Variants in PPM1H observed in about 807,000 individuals in gnomAD.
The protein encoded by PPM1H is protein phosphatase 1H.
A neutral mutation model predicts 54.9 loss-of-function variants in PPM1H; 27 were observed. That is an observed-to-expected ratio of 0.49 (90% confidence interval 0.36 to 0.68). The LOEUF (loss-of-function observed/expected upper bound fraction) is 0.68. Among genes scored for constraint, PPM1H ranks in the 30% least tolerant of loss-of-function variants. The pLI is 0.00. For missense variants in PPM1H, 596 were observed against 667.8 expected (o/e 0.89, Z 1.19); for synonymous variants, 305 against 270.8 (o/e 1.13, Z -1.24).
At chr12:62,817,151 C>CAAA (rs1565797674) in intron 2 of PPM1H, among the ~76,000 whole-genome samples, 9 of 58,924 alleles carry the variant, frequency 1.5e-4, no homozygotes, top group Non-Finnish European at 2.4e-4. Flanking sequence ...AAAAAAAAAA[C>CAAA]TAAAAAAAAG....
chr12:62,884,151 C>G, intron 1 of PPM1H, among the ~76,000 whole-genome samples: 1 of 151,202 alleles, frequency 6.6e-6, no homozygotes, highest in South Asian at 2.1e-4. Flanking sequence ...GATGAAATCT[C>G]TTACAGATAC....
At chr12:62,898,924 G>A (rs909186872) in intron 1 of PPM1H, among the ~76,000 whole-genome samples, 15 of 152,066 alleles carry the variant, frequency 9.9e-5, no homozygotes, top group South Asian at 2.1e-4. Flanking sequence ...CCGTCCACTG[G>A]GTTCAGACAC....
rs149898366 is a variant in PPM1H at position 62,892,066 on chromosome 12, A to G, written c.245+42426T>C. Among the ~76,000 whole-genome samples the G allele has an allele frequency of 4.8e-3, 734 of 152,358 alleles. 7 individuals carry two copies. The highest frequency in any genetic ancestry group is 0.02 in the Middle Eastern group (6 of 294). On this transcript the variant is annotated intron_variant, in intron 1 of 9. Transcript: ENST00000228705. ...GCAAAGTATCACAGAAACTTTTCAC[A>G]GCCTCTGCTCATGCCTTTGATCTCT...
chr12:62,683,076 T>TTAC (rs2076031726), intron 8 of PPM1H, among the ~76,000 whole-genome samples: 1 of 142,686 alleles, frequency 7.0e-6, no homozygotes, highest in Non-Finnish European at 1.5e-5. Context: ...ATTATTATTA[T>TTAC]TATTATTATT....
intron 5 of PPM1H, among the ~76,000 whole-genome samples, chr12:62,731,535 A>T (rs988535293): frequency 4.6e-5 from 7 of 152,198 alleles, no homozygotes; most frequent in Admixed American, 6.5e-5. Flanking sequence ...GCCAAGCAGC[A>T]CCAGGGAAAC....
At chr12:62,763,617 G>C (rs1436254874) in intron 4 of PPM1H, among the ~76,000 whole-genome samples, 1 of 152,208 alleles carries the variant, frequency 6.6e-6, no homozygotes, top group Non-Finnish European at 1.5e-5. Context: ...GTCAAATACA[G>C]AAAGTTGAAA....
At chr12:62,797,316 A>G (rs2076740244) in intron 3 of PPM1H, among the ~76,000 whole-genome samples, 1 of 152,192 alleles carries the variant, frequency 6.6e-6, no homozygotes, top group African/African-American at 2.4e-5. Flanking sequence ...GGCTTGGGGA[A>G]CTTTACTTTT....
intron 1 of PPM1H, among the ~76,000 whole-genome samples, chr12:62,842,269 A>T (rs986886076): frequency 6.6e-6 from 1 of 152,206 alleles, no homozygotes; most frequent in South Asian, 2.1e-4. Context: ...TTTTCTAAAG[A>T]TCAGATTTTG....
chr12:62,860,312 A>T (rs190998862), intron 1 of PPM1H, among the ~76,000 whole-genome samples: 1 of 152,118 alleles, frequency 6.6e-6, no homozygotes, highest in Non-Finnish European at 1.5e-5. Flanking sequence ...CTCATGACAC[A>T]TGGGGATTAT....
chr12:62,734,962 T>C (rs1272377646), intron 5 of PPM1H, among the ~76,000 whole-genome samples: 1 of 152,142 alleles, frequency 6.6e-6, no homozygotes, highest in Non-Finnish European at 1.5e-5. Flanking sequence ...GAGGATTTGT[T>C]GGGCCTAGGA....
rs1046272490 is a variant in PPM1H at position 62,933,333 on chromosome 12, G to T, written c.245+1159C>A. ...AGTCTCTCCCACCGGAACCCTTAGGGTCGGGAACCAAGCCTGCCCCGGGGT... is the reference window on the plus strand; with the variant it reads ...AGTCTCTCCCACCGGAACCCTTAGGTTCGGGAACCAAGCCTGCCCCGGGGT... On this transcript the variant is annotated intron_variant, in intron 1 of 9. Transcript: ENST00000228705. Among the ~76,000 whole-genome samples the T allele has an allele frequency of 3.9e-5, 6 of 152,236 alleles. 1 individual carries two copies. In the South Asian group the frequency reaches 8.3e-4, roughly 21 times the overall value.
chr12:62,847,129 T>C (rs4763040), intron 1 of PPM1H, among the ~76,000 whole-genome samples: 3 of 150,384 alleles, frequency 2.0e-5, no homozygotes, highest in Non-Finnish European at 4.4e-5. Context: ...CTGTGAAAAA[T>C]GAAAGAAAGA....
intron 4 of PPM1H, among the ~76,000 whole-genome samples, chr12:62,769,769 A>C (rs768304567): frequency 6.6e-6 from 1 of 152,078 alleles, no homozygotes; most frequent in Non-Finnish European, 1.5e-5. Context: ...AGAAAAAAAC[A>C]TGGAATCACA....
chr12:62,744,115 G>A (rs914197580), intron 4 of PPM1H, among the ~76,000 whole-genome samples: 3 of 149,732 alleles, frequency 2.0e-5, no homozygotes. Context: ...TCTGTCAAAA[G>A]GGGAACTGTT....
intron 8 of PPM1H, among the ~76,000 whole-genome samples, chr12:62,678,777 A>G (rs1046475784): frequency 2.0e-5 from 3 of 151,516 alleles, no homozygotes; most frequent in Admixed American, 2.0e-4. Context: ...TGCAGCCTCT[A>G]TCTCCTGGGT....
chr12:62,911,379 G>A (rs1022883587), intron 1 of PPM1H, among the ~76,000 whole-genome samples: 1 of 152,124 alleles, frequency 6.6e-6, no homozygotes, highest in Non-Finnish European at 1.5e-5. Flanking sequence ...TAAATTAAAG[G>A]TAGAGCTCAA....
At chr12:62,933,098 A>C (rs1291128515) in intron 1 of PPM1H, among the ~76,000 whole-genome samples, 1 of 151,970 alleles carries the variant, frequency 6.6e-6, no homozygotes, top group Non-Finnish European at 1.5e-5. Context: ...CGCCACCCAC[A>C]ACGTTCTCTT....
At chr12:62,777,806 T>A (rs1329409147) in intron 4 of PPM1H, among the ~76,000 whole-genome samples, 1 of 152,244 alleles carries the variant, frequency 6.6e-6, no homozygotes, top group East Asian at 1.9e-4. Flanking sequence ...AACATCAGTA[T>A]AGTCACACCC....
chr12:62,931,307 C>T (rs1378211032), intron 1 of PPM1H, among the ~76,000 whole-genome samples: 6 of 152,166 alleles, frequency 3.9e-5, no homozygotes, highest in Non-Finnish European at 1.5e-5. Flanking sequence ...CCTATTCAAC[C>T]CCTCTCAGGT....
Sources: gnomAD v4.1 joint callset for allele counts (sites outside exome capture counted in the v4.1 genomes callset) on GRCh38, gnomAD v4.1.1 for gene constraint, MANE v1.5 for transcripts, NCBI Gene and HGNC (gene_info 2026-07-23, HGNC 2026-07-21) for gene names.